Variants in PAK1IP1 observed in about 807,000 individuals in gnomAD.
PAK1IP1 encodes p21-activated protein kinase-interacting protein 1.
A neutral mutation model predicts 42.0 loss-of-function variants in PAK1IP1; 24 were observed. The ratio of observed to expected loss-of-function variants is 0.57; its 90% confidence interval spans 0.41 to 0.80. The LOEUF (loss-of-function observed/expected upper bound fraction) is 0.80. Ranked by LOEUF, PAK1IP1 falls within the 30% of genes least tolerant of loss-of-function variation. PAK1IP1 has a pLI of 0.00. For synonymous variants in PAK1IP1, 154 were observed against 156.7 expected, an observed-to-expected ratio of 0.98 and a Z score of 0.13; for missense variants, 411 against 467.9, an observed-to-expected ratio of 0.88 and a Z score of 1.12.
intron 8 of PAK1IP1, among the ~76,000 whole-genome samples, 163 bp downstream of exon 8, chr6:10,707,677 G>T (rs1350334685): frequency 6.6e-6 from 1 of 152,196 alleles, no homozygotes; most frequent in Admixed American, 6.5e-5. Context: ...CCAGGGAGCT[G>T]CCTTGATGGT....
chr6:10,707,562 C>T (rs372612538), intron 8 of PAK1IP1, 48 bp downstream of exon 8: 4 of 1,172,494 alleles, frequency 3.4e-6, no homozygotes, highest in Middle Eastern at 1.9e-4. Flanking sequence ...AAGTCTTGCT[C>T]ATAAGTGAGG....
intron 2 of PAK1IP1, 99 bp from the exon 3 acceptor site, chr6:10,702,270 G>T (rs1770050261): frequency 1.1e-6 from 1 of 913,878 alleles, no homozygotes; most frequent in Non-Finnish European, 1.7e-6. Flanking sequence ...AGAAAAAAAG[G>T]TATTGAGTGT....
Position 10,709,431 on chromosome 6 carries a change from G to T in PAK1IP1, c.1158G>T (p.Lys386Asn). 4 of 1,608,138 alleles carry T rather than the reference G, an allele frequency of 2.5e-6. No homozygotes were observed. Among genetic ancestry groups the T allele is most frequent in the Non-Finnish European group, 3.4e-6 (4 of 1,177,544 alleles). The change falls in exon 10 of 10, where the codon AAG (lysine) becomes AAT (asparagine). Residue 386 changes from lysine (K) to asparagine (N), a missense_variant. By Grantham distance (94) the Lys-to-Asn change is moderately conservative (BLOSUM62 0). Transcript: ENST00000379568. Reference sequence around the variant, plus strand: ...TGTTGGAAAAGAAGAGGAAAAAGAAGAAAATAAAAACAATGCAGTGAATCA... The same window carrying T: ...TGTTGGAAAAGAAGAGGAAAAAGAATAAAATAAAAACAATGCAGTGAATCA... ...VEMLEKKRKK[K>N]KIKTMQ
intron 7 of PAK1IP1, among the ~76,000 whole-genome samples, chr6:10,706,398 A>G (rs1173138839): frequency 6.6e-6 from 1 of 151,862 alleles, no homozygotes; most frequent in Admixed American, 6.6e-5. Context: ...CTATGGAAAA[A>G]TTTAAAAGCA....
At chr6:10,696,141 C>A (rs1769829700) in intron 1 of PAK1IP1, among the ~76,000 whole-genome samples, 4 of 152,070 alleles carry the variant, frequency 2.6e-5, no homozygotes. Context: ...CACAGCTGAC[C>A]CCAAAATGTC....
upstream of PAK1IP1, among the ~76,000 whole-genome samples, chr6:10,692,720 C>A (rs1488964950): frequency 6.6e-6 from 1 of 152,040 alleles, no homozygotes; most frequent in African/African-American, 2.4e-5. Context: ...CTGCGTCTGG[C>A]CATTTTATTT....
rs372337836 is a variant in PAK1IP1, at chr6:10,709,195, G to A, written c.965-43G>A. The A allele has an allele frequency of 2.0e-5, 31 of 1,552,418 alleles. No individual in the cohort carries two copies. In the African/African-American group the frequency reaches 3.9e-4, roughly 19 times the overall value. On this transcript the variant is annotated intron_variant, in intron 9 of 9. Coordinates refer to ENST00000379568, the MANE Select transcript of PAK1IP1 (RefSeq NM_017906.3). ...AGCTTGTGTTTATTTCATTCAAAGG[G>A]GAAAACAGTCTTTTTTTAAAAGCAC...
chr6:10,700,741 T>C (rs1245095137), intron 2 of PAK1IP1, among the ~76,000 whole-genome samples: 1 of 152,180 alleles, frequency 6.6e-6, no homozygotes, highest in Non-Finnish European at 1.5e-5. Context: ...AGAAGGAGTT[T>C]AGATTGGGGG....
At position 10,702,418 on chromosome 6, in the gene PAK1IP1, A is replaced by G; in HGVS notation, c.297A>G (p.Gly99=). The change falls in exon 3 of 10, where the codon GGA becomes GGG. Residue 99 remains glycine (G), a synonymous_variant. Coordinates refer to ENST00000379568, the MANE Select transcript of PAK1IP1 (RefSeq NM_017906.3). Reference sequence around the variant, plus strand: ...ATGGCAACAGGCATTTAATCAGTGGAGCGGAAGATGGACTCATCTGTATCT... The same window carrying G: ...ATGGCAACAGGCATTTAATCAGTGGGGCGGAAGATGGACTCATCTGTATCT... The part of the protein sequence containing the change: ...KFYGNRHLIS[G]AEDGLICIWD... 1 of 1,613,788 alleles carries G rather than the reference A, an allele frequency of 6.2e-7. No homozygotes were observed. Among genetic ancestry groups the G allele is most frequent in the Non-Finnish European group, 8.5e-7 (1 of 1,179,670 alleles).
chr6:10,703,950 T>A (rs1285853826), intron 5 of PAK1IP1, among the ~76,000 whole-genome samples: 2 of 152,190 alleles, frequency 1.3e-5, no homozygotes, highest in South Asian at 4.1e-4. Flanking sequence ...CATTTTAGAC[T>A]AGATTCTTTT....
chr6:10,702,790 CTGT>C (rs1770070335), intron 4 of PAK1IP1, 151 bp downstream of exon 4: 1 of 630,432 alleles, frequency 1.6e-6, no homozygotes, highest in Non-Finnish European at 2.8e-6. Flanking sequence ...ATGACAAGCT[CTGT>C]TTTCTTTCTT....
chr6:10,694,680 C>A, upstream of PAK1IP1: 1 of 310,786 alleles, frequency 3.2e-6, no homozygotes. Flanking sequence ...CGCCCGCTCC[C>A]TTCAGACGGG....
At chr6:10,708,192 C>T (rs747796714) in intron 8 of PAK1IP1, among the ~76,000 whole-genome samples, 1 of 143,854 alleles carries the variant, frequency 7.0e-6, no homozygotes, top group African/African-American at 2.5e-5. Flanking sequence ...CCCATCCTCT[C>T]CTTTCCCCCC....
intron 2 of PAK1IP1, among the ~76,000 whole-genome samples, chr6:10,700,015 G>A (rs1300178106): frequency 2.0e-5 from 3 of 151,886 alleles, no homozygotes; most frequent in African/African-American, 7.3e-5. Flanking sequence ...CTTGAGAGTT[G>A]GAGCCAGTTT....
intron 7 of PAK1IP1, among the ~76,000 whole-genome samples, chr6:10,706,224 G>C (rs1438379013): frequency 6.6e-6 from 1 of 152,068 alleles, no homozygotes; most frequent in East Asian, 1.9e-4. Context: ...AATGAAAAAG[G>C]AGTTAGTTTT....
intron 8 of PAK1IP1, 35 bp downstream of exon 8, chr6:10,707,549 T>C: frequency 7.8e-7 from 1 of 1,277,896 alleles, no homozygotes; most frequent in Non-Finnish European, 1.1e-6. Context: ...TGTACTTTAA[T>C]ACAAGTCTTG....
chr6:10,704,956 C>T (rs1581585319), intron 7 of PAK1IP1, 112 bp downstream of exon 7: 1 of 718,604 alleles, frequency 1.4e-6, no homozygotes, highest in Non-Finnish European at 2.5e-6. Context: ...AATAATCAGA[C>T]ATATCTACAT....
Position 10,709,248 on chromosome 6 carries a change from A to G in PAK1IP1, c.975A>G (p.Glu325=), listed in dbSNP as rs1258974249. The G allele has an allele frequency of 6.2e-7, 1 of 1,608,834 alleles. No individual in the cohort carries two copies. The highest frequency in any genetic ancestry group is 8.5e-7 in the Non-Finnish European group (1 of 1,178,586). Residue 325 remains glutamate, a synonymous_variant, in exon 10 of 10, where the codon GAA becomes GAG. Coordinates refer to ENST00000379568, the MANE Select transcript of PAK1IP1 (RefSeq NM_017906.3). ...TCTTTTGTGTTTTAGTAAGTAAAGA[A>G]CAGTCCAAAATTGGCAAAAAGGAGC... ...PAAEPSPVSK[E]QSKIGKKEPG... is the part of the protein sequence containing the mutation.
At chr6:10,696,732 C>T (rs1225697846) in intron 1 of PAK1IP1, among the ~76,000 whole-genome samples, 1 of 152,190 alleles carries the variant, frequency 6.6e-6, no homozygotes, top group Non-Finnish European at 1.5e-5. Flanking sequence ...CACCTGAGGT[C>T]AGGGGTTCAA....
Sources: gnomAD v4.1 joint callset for allele counts (sites outside exome capture counted in the v4.1 genomes callset) on GRCh38, gnomAD v4.1.1 for gene constraint, MANE v1.5 for transcripts, NCBI Gene and HGNC (gene_info 2026-07-23, HGNC 2026-07-21) for gene names.